The following RBM47 variants were observed in gnomAD, a reference collection of about 807,000 sequenced individuals.
RBM47 encodes RNA-binding protein 47.
RBM47 carries 21 observed loss-of-function variants against 47.1 expected under a neutral mutation model. That is an observed-to-expected ratio of 0.45 (90% confidence interval 0.32 to 0.64). The LOEUF is 0.64. Ranked by LOEUF, RBM47 falls within the 30% of genes least tolerant of loss-of-function variation. RBM47 has a pLI of 0.05. For synonymous variants in RBM47, 375 were observed against 361.7 expected (o/e 1.04, Z -0.42); for missense variants, 708 against 870.9 (o/e 0.81, Z 2.35).
chr4:40,561,320 T>C (rs983707662), intron 1 of RBM47, among the ~76,000 whole-genome samples: 2 of 146,906 alleles, frequency 1.4e-5, no homozygotes. Flanking sequence ...CGACCACCGC[T>C]TCCTGGGTTC....
chr4:40,587,096 G>A (rs1733663056), intron 1 of RBM47, among the ~76,000 whole-genome samples: 1 of 152,190 alleles, frequency 6.6e-6, no homozygotes, highest in Non-Finnish European at 1.5e-5. Flanking sequence ...AGAGCCGTGA[G>A]GAGGGGTCCA....
chr4:40,603,878 A>G (rs370904645), intron 1 of RBM47, among the ~76,000 whole-genome samples: 1 of 152,174 alleles, frequency 6.6e-6, no homozygotes, highest in East Asian at 1.9e-4. Context: ...CTGGGATTAC[A>G]GGCGTGAGCC....
At chr4:40,625,455 G>A (rs955300992) in intron 1 of RBM47, among the ~76,000 whole-genome samples, 1 of 151,986 alleles carries the variant, frequency 6.6e-6, no homozygotes, top group Admixed American at 6.6e-5. Flanking sequence ...AGGTACAGGC[G>A]TCCTGTTCCT....
At chr4:40,609,976 C>T (rs1578065419) in intron 1 of RBM47, among the ~76,000 whole-genome samples, 1 of 152,068 alleles carries the variant, frequency 6.6e-6, no homozygotes, top group African/African-American at 2.4e-5. Flanking sequence ...CCTGTAATCC[C>T]AGCTATTCAG....
intron 2 of RBM47, among the ~76,000 whole-genome samples, chr4:40,538,634 T>TTTTG (rs201847355): frequency 0.017 from 2,527 of 148,630 alleles, 85 homozygotes; most frequent in African/African-American, 0.059. Context: ...CTTTTTTGTT[T>TTTTG]TTTGTTTGTT....
chr4:40,548,641 G>A (rs1729251517), intron 1 of RBM47, among the ~76,000 whole-genome samples: 1 of 152,046 alleles, frequency 6.6e-6, no homozygotes, highest in Admixed American at 6.6e-5. Flanking sequence ...GGAAAGAGAA[G>A]CCCTGGCTTT....
Position 40,426,024 on chromosome 4 carries a change from T to C in RBM47, c.1662A>G (p.Thr554=), listed in dbSNP as rs2154207739. ...CCGCGGCTGCCGCGTTCTTCTGTAG[T>C]GTGGCGATCGTGGCTGTAGCTGGAG... The part of the protein sequence containing the change: ...FAAPATATIA[T]LQKNAAAAAA... The change falls in exon 7 of 7, where the codon ACA becomes ACG. Residue 554 remains threonine, a synonymous_variant. Coordinates refer to ENST00000295971, the MANE Select transcript of RBM47 (RefSeq NM_001098634.2). 2 of 1,614,202 alleles carry C rather than the reference T, an allele frequency of 1.2e-6. No individual in the cohort carries two copies. The highest frequency in any genetic ancestry group is 1.3e-5 in the African/African-American group (1 of 75,032).
chr4:40,456,594 A>T (rs1716303466), intron 3 of RBM47, among the ~76,000 whole-genome samples: 1 of 131,482 alleles, frequency 7.6e-6, no homozygotes, highest in Non-Finnish European at 1.6e-5. Context: ...TTTTGAGACA[A>T]GGGCTCTGTC....
intron 2 of RBM47, among the ~76,000 whole-genome samples, chr4:40,536,144 TCTA>T (rs1159061478): frequency 6.6e-6 from 1 of 152,260 alleles, no homozygotes; most frequent in Non-Finnish European, 1.5e-5. Flanking sequence ...ATGCGGCTGT[TCTA>T]CTGCTACTTC....
At chr4:40,597,514 G>C (rs1378648107) in intron 1 of RBM47, among the ~76,000 whole-genome samples, 3 of 151,904 alleles carry the variant, frequency 2.0e-5, no homozygotes, top group Non-Finnish European at 4.4e-5. Flanking sequence ...CCCAGGAGGC[G>C]GAGGTTGCAG....
At chr4:40,576,338 T>G (rs985985667) in intron 1 of RBM47, among the ~76,000 whole-genome samples, 3 of 151,528 alleles carry the variant, frequency 2.0e-5, no homozygotes, top group Non-Finnish European at 4.4e-5. Context: ...AATTTTTTTG[T>G]AGAGATGGGG....
intron 2 of RBM47, among the ~76,000 whole-genome samples, chr4:40,494,394 T>TA (rs892792555): frequency 6.6e-6 from 1 of 152,194 alleles, no homozygotes; most frequent in Non-Finnish European, 1.5e-5. Context: ...CAAGAAATGA[T>TA]AAAGTTTGTC....
rs148001440 is a variant in RBM47, at chr4:40,573,807, A to AAAG, written c.-239-29302_-239-29301insCTT. Among the ~76,000 whole-genome samples the AAAG allele has an allele frequency of 1.3e-3, 179 of 136,742 alleles. 1 individual carries two copies. The highest frequency in any genetic ancestry group is 1.9e-3 in the Non-Finnish European group (125 of 65,646). 89.7% of individuals were successfully genotyped at this position (136,742 alleles called of 152,430 possible). The stretch of plus-strand genomic sequence containing the variant: ...AAAGAGAGAGAGAGAGAAAGAAAGA[A>AAAG]AAAGAAAGAAAGAAAGAAAGAAAGA... On this transcript the variant is annotated intron_variant, in intron 1 of 6. Coordinates refer to ENST00000295971, the MANE Select transcript of RBM47 (RefSeq NM_001098634.2).
intron 1 of RBM47, among the ~76,000 whole-genome samples, chr4:40,568,037 C>T (rs977970015): frequency 7.9e-5 from 12 of 151,500 alleles, no homozygotes; most frequent in East Asian, 1.9e-4. Context: ...TGACTGAACC[C>T]GGGAGGCGGA....
At chr4:40,437,090 A>AAAAAAAAAAAAAAT (rs1256296949) in intron 4 of RBM47, among the ~76,000 whole-genome samples, 2 of 49,798 alleles carry the variant, frequency 4.0e-5, no homozygotes, top group African/African-American at 1.1e-4. Context: ...AAAAAAAAAA[A>AAAAAAAAAAAAAAT]ATATATATAT....
intron 1 of RBM47, among the ~76,000 whole-genome samples, chr4:40,558,585 T>G (rs1411343962): frequency 6.7e-6 from 1 of 149,862 alleles, no homozygotes; most frequent in African/African-American, 2.5e-5. Context: ...CCCAGCACTT[T>G]GGGAGGCTGA....
In RBM47 at chr4:40,438,737, G is replaced by A. The variant is rs1258660977; in HGVS notation, c.157C>T (p.Arg53Cys). The part of the protein sequence containing the change: ...GYSMVQENGQ[R>C]KYGGPPPGWE... ...CCGGGCGGTGGGCCGCCGTACTTGC[G>A]CTGCCCGTTCTCTTGCACCATGCTG... is the stretch of plus-strand genomic sequence containing the variant. The change falls in exon 4 of 7, where the codon CGC becomes TGC. Residue 53 changes from arginine (R) to cysteine (C), a missense_variant. Coordinates refer to ENST00000295971, the MANE Select transcript of RBM47 (RefSeq NM_001098634.2). 1.2e-6 allele frequency: 2 copies of A among 1,602,246 alleles called. No individual in the cohort carries two copies. The highest frequency in any genetic ancestry group is 8.5e-7 in the Non-Finnish European group (1 of 1,176,568).
chr4:40,479,617 A>G (rs144091380), intron 2 of RBM47, among the ~76,000 whole-genome samples: 2 of 151,594 alleles, frequency 1.3e-5, no homozygotes, highest in Admixed American at 1.3e-4. Flanking sequence ...TAAATAAATA[A>G]ATATATAAAT....
chr4:40,595,562 G>A (rs536834507), intron 1 of RBM47, among the ~76,000 whole-genome samples: 1 of 152,046 alleles, frequency 6.6e-6, no homozygotes, highest in African/African-American at 2.4e-5. Context: ...AAAAGAAATG[G>A]AAATCACCCT....
Sources: gnomAD v4.1 joint callset for allele counts (sites outside exome capture counted in the v4.1 genomes callset) on GRCh38, gnomAD v4.1.1 for gene constraint, MANE v1.5 for transcripts, NCBI Gene and HGNC (gene_info 2026-07-23, HGNC 2026-07-21) for gene names.